Variants in NMNAT2 observed in about 807,000 individuals in gnomAD.
NMNAT2 encodes nicotinamide nucleotide adenylyltransferase 2, also known as nicotinamide/nicotinic acid mononucleotide adenylyltransferase 2.
In NMNAT2, 11 loss-of-function variants were observed where a neutral mutation model predicts 41.6. That is an observed-to-expected ratio of 0.26 (90% CI 0.17 to 0.44). The LOEUF is 0.44. Among genes scored for constraint, NMNAT2 ranks in the 20% least tolerant of loss-of-function variants. The probability of loss-of-function intolerance (pLI) is 1.00; values close to 1 mark genes in which losing one functional copy is unlikely to be tolerated. For synonymous variants in NMNAT2, 148 were observed against 151.2 expected (o/e 0.98, Z 0.16); for missense variants, 288 against 407.7 (o/e 0.71, Z 2.53).
intron 1 of NMNAT2, among the ~76,000 whole-genome samples, chr1:183,414,276 GA>G (rs537196117): frequency 2.6e-4 from 40 of 152,174 alleles, no homozygotes; most frequent in Non-Finnish European, 4.6e-4. Flanking sequence ...AATTAAAATA[GA>G]AAAAAATACA....
chr1:183,288,603 G>A (rs1218376007), intron 4 of NMNAT2, among the ~76,000 whole-genome samples: 3 of 152,226 alleles, frequency 2.0e-5, no homozygotes, highest in African/African-American at 7.2e-5. Context: ...GGCCAGTATG[G>A]CCAGCACTGA....
At chr1:183,334,521 T>G (rs909413990) in intron 1 of NMNAT2, among the ~76,000 whole-genome samples, 3 of 150,910 alleles carry the variant, frequency 2.0e-5, no homozygotes, top group African/African-American at 7.3e-5. Flanking sequence ...CCATTCTTTT[T>G]TTTTTTCTTT....
At chr1:183,286,616 C>T in intron 5 of NMNAT2, 46 bp downstream of exon 5, 1 of 1,534,298 alleles carries the variant, frequency 6.5e-7, no homozygotes, top group South Asian at 1.2e-5. Flanking sequence ...AACAAGCCCT[C>T]CACATGATTC....
At chr1:183,348,061 A>T (rs1166628111) in intron 1 of NMNAT2, among the ~76,000 whole-genome samples, 1 of 152,060 alleles carries the variant, frequency 6.6e-6, no homozygotes, top group Non-Finnish European at 1.5e-5. Context: ...TCTGTCTTTG[A>T]CTGCCTTCCT....
intron 8 of NMNAT2, chr1:183,266,908 C>G (rs1660830619): frequency 6.1e-6 from 1 of 164,298 alleles, no homozygotes; most frequent in Non-Finnish European, 1.3e-5. Context: ...TTTGCTTCAT[C>G]TATTCTGCGT....
chr1:183,352,471 G>A (rs1042752132), intron 1 of NMNAT2, among the ~76,000 whole-genome samples: 2 of 150,576 alleles, frequency 1.3e-5, no homozygotes, highest in South Asian at 4.2e-4. Flanking sequence ...GCTTAGGCAG[G>A]AGAATCGCTT....
chr1:183,356,235 T>C (rs1663182203), intron 1 of NMNAT2, among the ~76,000 whole-genome samples: 2 of 152,218 alleles, frequency 1.3e-5, no homozygotes, highest in South Asian at 2.1e-4. Flanking sequence ...CCTCCTTTAG[T>C]AGTGGTAGGG....
intron 8 of NMNAT2, among the ~76,000 whole-genome samples, chr1:183,275,786 C>A (rs1033714130): frequency 6.6e-6 from 1 of 152,130 alleles, no homozygotes; most frequent in African/African-American, 2.4e-5. Context: ...AATTCTCCTG[C>A]CTCAGCCTCC....
chr1:183,400,169 G>A (rs1348864559), intron 1 of NMNAT2, among the ~76,000 whole-genome samples: 3 of 152,068 alleles, frequency 2.0e-5, no homozygotes, highest in African/African-American at 2.4e-5. Flanking sequence ...AAACCCCATC[G>A]TCTCAGCCCA....
At chr1:183,409,851 G>A (rs1196103628) in intron 1 of NMNAT2, among the ~76,000 whole-genome samples, 2 of 152,300 alleles carry the variant, frequency 1.3e-5, no homozygotes, top group East Asian at 3.9e-4. Flanking sequence ...TTCCAGTGAA[G>A]CACAGTAAAA....
intron 1 of NMNAT2, among the ~76,000 whole-genome samples, chr1:183,383,269 T>G (rs1263734666): frequency 6.6e-6 from 1 of 152,220 alleles, no homozygotes; most frequent in Non-Finnish European, 1.5e-5. Flanking sequence ...AGCAGAGGCC[T>G]GGGCCCAGCC....
chr1:183,260,273 T>C (rs1660624218), intron 10 of NMNAT2, among the ~76,000 whole-genome samples: 1 of 152,226 alleles, frequency 6.6e-6, no homozygotes, highest in African/African-American at 2.4e-5. Flanking sequence ...TTGCAGCAGC[T>C]GTGCACCCAG....
At chr1:183,265,258 C>CTTTTTTTTTTTTTT (rs67117635) in intron 8 of NMNAT2, among the ~76,000 whole-genome samples, 4 of 64,526 alleles carry the variant, frequency 6.2e-5, no homozygotes, top group African/African-American at 1.3e-4. Flanking sequence ...TCTTCTTCTT[C>CTTTTTTTTTTTTTT]TTTTTTTTTT....
At chr1:183,294,485 C>T (rs1661628435) in intron 1 of NMNAT2, among the ~76,000 whole-genome samples, 1 of 152,182 alleles carries the variant, frequency 6.6e-6, no homozygotes, top group Non-Finnish European at 1.5e-5. Context: ...ACTTCCAAAA[C>T]AATTCCTTTT....
At chr1:183,256,213 C>T (rs370660212) in intron 10 of NMNAT2, among the ~76,000 whole-genome samples, 2 of 152,120 alleles carry the variant, frequency 1.3e-5, no homozygotes, top group East Asian at 3.9e-4. Flanking sequence ...CGAGCCCAGT[C>T]TGGCCAACAT....
rs575017029 is a variant in NMNAT2 at position 183,305,877 on chromosome 1, T to TA, written c.86-12085dup. Among the ~76,000 whole-genome samples, 5 of 152,230 alleles carry TA rather than the reference T, an allele frequency of 3.3e-5. No individual in the cohort carries two copies. In the East Asian group the frequency reaches 7.7e-4, roughly 24 times the overall value. The stretch of plus-strand genomic sequence containing the variant: ...CTGGGATTACAGGCTTGCGCCACCA[T>TA]ACCCGGCCAATTTTTTGTATTTTTA... On this transcript the variant is annotated intron_variant, in intron 1 of 10. Transcript: ENST00000287713.
At chr1:183,346,892 T>C (rs1270606641) in intron 1 of NMNAT2, among the ~76,000 whole-genome samples, 1 of 152,082 alleles carries the variant, frequency 6.6e-6, no homozygotes, top group Non-Finnish European at 1.5e-5. Context: ...CCCATTATAG[T>C]CATTTCTCAC....
At chr1:183,328,354 G>A (rs2102336772) in intron 1 of NMNAT2, among the ~76,000 whole-genome samples, 1 of 152,298 alleles carries the variant, frequency 6.6e-6, no homozygotes, top group East Asian at 1.9e-4. Flanking sequence ...CCCTCAGAGA[G>A]CATTTTGAAA....
chr1:183,253,378 C>A (rs900636782), intron 10 of NMNAT2, among the ~76,000 whole-genome samples: 3 of 149,760 alleles, frequency 2.0e-5, no homozygotes, highest in Non-Finnish European at 4.4e-5. Context: ...CTGTAGTGGA[C>A]CAAATTAATA....
Sources: allele counts gnomAD v4.1 joint callset (sites outside exome capture counted in the v4.1 genomes callset), GRCh38; gene constraint gnomAD v4.1.1; transcripts MANE v1.5; gene names NCBI Gene and HGNC (gene_info 2026-07-23, HGNC 2026-07-21).